The following LCLAT1 variants were observed in gnomAD, a reference collection of about 807,000 sequenced individuals.
LCLAT1 encodes lysocardiolipin acyltransferase 1.
A neutral mutation model predicts 30.7 loss-of-function variants in LCLAT1; 11 were observed. The observed-to-expected ratio is 0.36, with a 90% confidence interval of 0.23 to 0.59. LCLAT1 has a LOEUF of 0.59. Among genes scored for constraint, LCLAT1 ranks in the 20% least tolerant of loss-of-function variants. The pLI is 0.77. For synonymous variants in LCLAT1, 155 were observed against 151.3 expected, an observed-to-expected ratio of 1.02 and a Z score of -0.18; for missense variants, 402 against 458.6, an observed-to-expected ratio of 0.88 and a Z score of 1.13.
At chr2:30,540,443 AACTG>A (rs1318967146) in intron 3 of LCLAT1, among the ~76,000 whole-genome samples, 2 of 152,190 alleles carry the variant, frequency 1.3e-5, no homozygotes, top group Admixed American at 6.5e-5. Context: ...TTTCACATAA[AACTG>A]AATTTATCAG....
intron 1 of LCLAT1, among the ~76,000 whole-genome samples, chr2:30,462,706 T>C (rs1334097758): frequency 4.6e-5 from 7 of 152,240 alleles, no homozygotes; most frequent in Non-Finnish European, 8.8e-5. Context: ...CAAAATCTAT[T>C]TCGGGGCTAG....
intron 1 of LCLAT1, among the ~76,000 whole-genome samples, chr2:30,512,401 C>G (rs1684981085): frequency 6.6e-6 from 1 of 152,114 alleles, no homozygotes; most frequent in South Asian, 2.1e-4. Context: ...CCATTCTTTT[C>G]TTTTGTCTGC....
intron 3 of LCLAT1, among the ~76,000 whole-genome samples, chr2:30,551,862 G>A (rs572037766): frequency 6.6e-6 from 1 of 152,124 alleles, no homozygotes; most frequent in African/African-American, 2.4e-5. Flanking sequence ...TACATAGTAG[G>A]TATATATTTA....
Position 30,640,535 on chromosome 2 carries a change from AT to A in LCLAT1, c.1050del (p.Phe350LeufsTer7). Reference protein sequence around the residue: ...IVIFVLQERIFGGLEIIELAC... With the variant: ...IVIFVLQERIXGGLEIIELAC... ...TAATCTTTGTGCTGCAAGAGAGAAT[AT>A]TTGGTGGACTGGAGATCATAGAACT... On this transcript the variant is annotated frameshift_variant, in exon 6 of 6. Coordinates refer to ENST00000379509, the MANE Select transcript of LCLAT1 (RefSeq NM_001002257.3). LOFTEE classifies it high-confidence loss of function. 3.1e-6 allele frequency: 5 copies of A among 1,614,200 alleles called. No homozygotes were observed. Among genetic ancestry groups the A allele is most frequent in the Non-Finnish European group, 3.4e-6 (4 of 1,180,026 alleles).
chr2:30,546,760 C>G (rs922326922), intron 3 of LCLAT1, among the ~76,000 whole-genome samples: 1 of 152,122 alleles, frequency 6.6e-6, no homozygotes, highest in Non-Finnish European at 1.5e-5. Context: ...GAAAACTCCC[C>G]CTTTCTTACC....
chr2:30,533,416 C>T (rs986714646), intron 3 of LCLAT1, 102 bp downstream of exon 3: 27 of 937,428 alleles, frequency 2.9e-5, no homozygotes, highest in South Asian at 2.5e-4. Context: ...TTTTTTTCCT[C>T]ACTGGGCCAA....
chr2:30,470,136 C>G (rs1682702500), intron 1 of LCLAT1, among the ~76,000 whole-genome samples: 1 of 152,096 alleles, frequency 6.6e-6, no homozygotes, highest in Admixed American at 6.6e-5. Context: ...CCAGTTGAGT[C>G]AATTTCATGG....
intron 1 of LCLAT1, among the ~76,000 whole-genome samples, chr2:30,506,622 G>A (rs964629259): frequency 6.6e-6 from 1 of 152,098 alleles, no homozygotes; most frequent in African/African-American, 2.4e-5. Context: ...TTAGCTATGA[G>A]CCTTTGAGAC....
intron 5 of LCLAT1, among the ~76,000 whole-genome samples, chr2:30,596,490 GTTT>G (rs1192714768): frequency 6.8e-6 from 1 of 147,768 alleles, no homozygotes; most frequent in Non-Finnish European, 1.5e-5. Flanking sequence ...TAATGGGGTT[GTTT>G]TTTTTTTCTT....
At chr2:30,598,777 G>A (rs992923951) in intron 5 of LCLAT1, among the ~76,000 whole-genome samples, 2 of 151,998 alleles carry the variant, frequency 1.3e-5, no homozygotes, top group African/African-American at 2.4e-5. Context: ...CTAGCTTAGT[G>A]TGGGCATTTA....
intron 5 of LCLAT1, among the ~76,000 whole-genome samples, chr2:30,589,615 G>A (rs1666602420): frequency 6.6e-6 from 1 of 152,176 alleles, no homozygotes; most frequent in Non-Finnish European, 1.5e-5. Context: ...TTGATGAGGT[G>A]TCTTTAAGCA....
intron 1 of LCLAT1, among the ~76,000 whole-genome samples, chr2:30,473,459 C>A (rs1281040601): frequency 1.3e-5 from 2 of 152,166 alleles, no homozygotes; most frequent in Admixed American, 1.3e-4. Flanking sequence ...GCATCTGGAA[C>A]ATCCTCTTTA....
intron 1 of LCLAT1, among the ~76,000 whole-genome samples, chr2:30,503,780 T>A (rs1371330109): frequency 6.6e-6 from 1 of 152,240 alleles, no homozygotes; most frequent in Non-Finnish European, 1.5e-5. Flanking sequence ...ACTAAACCAA[T>A]CACTGTGCAG....
intron 5 of LCLAT1, among the ~76,000 whole-genome samples, chr2:30,637,465 C>T (rs2148536288): frequency 6.6e-6 from 1 of 152,194 alleles, no homozygotes; most frequent in South Asian, 2.1e-4. Context: ...CATGTAAATT[C>T]CCACTGTAGC....
At chr2:30,531,491 A>G (rs1685984267) in intron 2 of LCLAT1, among the ~76,000 whole-genome samples, 1 of 152,208 alleles carries the variant, frequency 6.6e-6, no homozygotes, top group Non-Finnish European at 1.5e-5. Context: ...ACATATCTTT[A>G]TATACAGCTT....
intron 3 of LCLAT1, among the ~76,000 whole-genome samples, chr2:30,540,911 C>T (rs1000174176): frequency 1.3e-5 from 2 of 152,122 alleles, no homozygotes; most frequent in Non-Finnish European, 2.9e-5. Flanking sequence ...GATTCGCCTG[C>T]CTTAGCCTCC....
chr2:30,487,242 T>G (rs1256779719), intron 1 of LCLAT1, among the ~76,000 whole-genome samples: 1 of 152,200 alleles, frequency 6.6e-6, no homozygotes, highest in Admixed American at 6.5e-5. Context: ...GAATGCAAAG[T>G]TGGGAACCAA....
At position 30,556,091 on chromosome 2, in the gene LCLAT1, G is replaced by T. The variant is rs1664907101; in HGVS notation, c.365-6055G>T. Among the ~76,000 whole-genome samples the T allele has an allele frequency of 2.0e-5, 3 of 152,026 alleles. No homozygotes were observed. The South Asian group carries it at 6.2e-4, about 32-fold the overall frequency. ...TTATAGTCGTGAGCCACCGTGACCG[G>T]CAACAAACTATTTCTGTAAGGGACT... On this transcript the variant is annotated intron_variant, in intron 3 of 5. Coordinates refer to ENST00000379509, the MANE Select transcript of LCLAT1 (RefSeq NM_001002257.3).
At chr2:30,602,991 A>G (rs1037929485) in intron 5 of LCLAT1, among the ~76,000 whole-genome samples, 6 of 152,214 alleles carry the variant, frequency 3.9e-5, no homozygotes, top group Non-Finnish European at 1.5e-5. Context: ...TCATAATTCC[A>G]TGTCTTATTA....
Sources: gnomAD v4.1 joint callset for allele counts (sites outside exome capture counted in the v4.1 genomes callset) on GRCh38, gnomAD v4.1.1 for gene constraint, MANE v1.5 for transcripts, NCBI Gene and HGNC (gene_info 2026-07-23, HGNC 2026-07-21) for gene names.